Variants in FTCDNL1 observed in about 807,000 individuals in gnomAD.
FTCDNL1 encodes formiminotransferase cyclodeaminase N-terminal like, also known as formiminotransferase N-terminal subdomain-containing protein.
In FTCDNL1, 11 loss-of-function variants were observed where a neutral mutation model predicts 5.9. The ratio of observed to expected loss-of-function variants is 1.87; its 90% CI spans 1.18 to 3.10. The LOEUF is 3.10. FTCDNL1 is among the 30% of genes most tolerant of loss of function. The pLI, the probability that FTCDNL1 is intolerant of heterozygous loss-of-function variation, is 0.00. For synonymous variants in FTCDNL1, 58 were observed against 24.8 expected, an observed-to-expected ratio of 2.34 and a Z score of -3.99; for missense variants, 115 against 65.5, an observed-to-expected ratio of 1.76 and a Z score of -2.61.
intron 3 of FTCDNL1, among the ~76,000 whole-genome samples, chr2:199,831,775 C>T (rs907855418): frequency 6.6e-6 from 1 of 152,072 alleles, no homozygotes; most frequent in Non-Finnish European, 1.5e-5. Context: ...AATTTTGAAA[C>T]AGAGAATTAA....
intron 3 of FTCDNL1, among the ~76,000 whole-genome samples, chr2:199,840,663 T>G (rs1414073092): frequency 1.3e-5 from 2 of 152,158 alleles, no homozygotes; most frequent in African/African-American, 4.8e-5. Context: ...CTCAGCTGGC[T>G]CTGAGGAGAA....
chr2:199,770,945 G>C (rs1192257414), intron 3 of FTCDNL1, among the ~76,000 whole-genome samples: 1 of 152,220 alleles, frequency 6.6e-6, no homozygotes, highest in Non-Finnish European at 1.5e-5. Flanking sequence ...AAGGAATCCA[G>C]CCCTGTTAGA....
At chr2:199,765,171 G>GC (rs776756737) in intron 3 of FTCDNL1, among the ~76,000 whole-genome samples, 1 of 152,128 alleles carries the variant, frequency 6.6e-6, no homozygotes, top group Non-Finnish European at 1.5e-5. Flanking sequence ...TATATTGGTG[G>GC]CTGCATACCA....
At chr2:199,762,829 T>C (rs1204400962) in intron 3 of FTCDNL1, among the ~76,000 whole-genome samples, 3 of 152,216 alleles carry the variant, frequency 2.0e-5, no homozygotes, top group Non-Finnish European at 4.4e-5. Context: ...TTATAGGTTA[T>C]ATATAACAAT....
chr2:199,705,696 TGTA>T, the FTCDNL1 span, among the ~76,000 whole-genome samples: 4 of 152,218 alleles, frequency 2.6e-5, no homozygotes, highest in East Asian at 7.7e-4. Context: ...TAATGCTAGC[TGTA>T]GATTGTGTGT....
At chr2:199,702,466 A>G in the FTCDNL1 span, among the ~76,000 whole-genome samples, 1 of 152,230 alleles carries the variant, frequency 6.6e-6, no homozygotes, top group African/African-American at 2.4e-5. Flanking sequence ...TAAGAATAAA[A>G]AATACCAGAG....
chr2:199,744,784 A>G, the FTCDNL1 span, among the ~76,000 whole-genome samples: 2 of 152,118 alleles, frequency 1.3e-5, no homozygotes, highest in East Asian at 3.9e-4. Context: ...AGGATTTCTA[A>G]TTTCTCCTCA....
Position 199,819,775 on chromosome 2 carries a change from T to C in FTCDNL1, c.212-18A>G. The C allele has an allele frequency of 1.5e-6, 1 of 678,174 alleles. No homozygotes were observed. 42.0% of individuals were successfully genotyped at this position (678,174 alleles called of 1,614,324 possible). ...AGCAAGGCCTGTGGCAGAGGGAATT[T>C]TAACCAAAGAAAATCACAATCAAGC... On this transcript the variant is annotated intron_variant, in intron 3 of 4. Transcript: ENST00000420128.
the FTCDNL1 span, among the ~76,000 whole-genome samples, chr2:199,665,380 C>A: frequency 5.3e-5 from 8 of 152,230 alleles, 1 homozygote; most frequent in Admixed American, 5.2e-4. Context: ...GCTTGTAATA[C>A]CAGCATTTTG....
chr2:199,846,485 C>A (rs1255545114), intron 2 of FTCDNL1, among the ~76,000 whole-genome samples: 1 of 152,180 alleles, frequency 6.6e-6, no homozygotes, highest in Non-Finnish European at 1.5e-5. Flanking sequence ...TCTTCAATAG[C>A]CAAATCATAT....
At chr2:199,761,294 T>C (rs1440895266) in intron 3 of FTCDNL1, among the ~76,000 whole-genome samples, 1 of 152,218 alleles carries the variant, frequency 6.6e-6, no homozygotes, top group East Asian at 1.9e-4. Context: ...TCTGTCCCTG[T>C]TGGCAGAGGC....
chr2:199,762,935 G>A (rs1698340544), intron 3 of FTCDNL1, among the ~76,000 whole-genome samples: 1 of 152,110 alleles, frequency 6.6e-6, no homozygotes, highest in South Asian at 2.1e-4. Context: ...CACACATTTG[G>A]GGTCAATCTT....
chr2:199,678,600 A>G, the FTCDNL1 span, among the ~76,000 whole-genome samples: 10 of 152,180 alleles, frequency 6.6e-5, no homozygotes, highest in South Asian at 2.1e-3. Flanking sequence ...GTTGTAAAAA[A>G]TATTTATATT....
intron 3 of FTCDNL1, among the ~76,000 whole-genome samples, chr2:199,768,744 C>A (rs946709573): frequency 4.6e-5 from 7 of 152,126 alleles, no homozygotes; most frequent in Non-Finnish European, 1.0e-4. Flanking sequence ...AGGGTGAGTT[C>A]TCATGTGAAA....
At chr2:199,738,867 T>G in the FTCDNL1 span, among the ~76,000 whole-genome samples, 1 of 152,190 alleles carries the variant, frequency 6.6e-6, no homozygotes, top group African/African-American at 2.4e-5. Flanking sequence ...TAAGACCCAC[T>G]TAACTCTTCC....
chr2:199,702,967 G>A, the FTCDNL1 span, among the ~76,000 whole-genome samples: 1 of 152,172 alleles, frequency 6.6e-6, no homozygotes, highest in African/African-American at 2.4e-5. Context: ...GAGGTGGAAA[G>A]AAGCCAGATT....
chr2:199,729,776 C>G, the FTCDNL1 span, among the ~76,000 whole-genome samples: 1 of 152,112 alleles, frequency 6.6e-6, no homozygotes, highest in African/African-American at 2.4e-5. Flanking sequence ...GCCATAATGC[C>G]CAAAGTAATT....
chr2:199,671,813 A>C, the FTCDNL1 span, among the ~76,000 whole-genome samples: 1 of 152,166 alleles, frequency 6.6e-6, no homozygotes, highest in Non-Finnish European at 1.5e-5. Context: ...CCTGAGCACC[A>C]TATATATCTT....
the FTCDNL1 span, among the ~76,000 whole-genome samples, chr2:199,752,725 ACTAT>A: frequency 3.2e-5 from 3 of 93,290 alleles, no homozygotes; most frequent in South Asian, 2.1e-3. Context: ...ATACATATAT[ACTAT>A]CTCTCTCTCT....
Sources: allele counts gnomAD v4.1 joint callset (sites outside exome capture counted in the v4.1 genomes callset), GRCh38; gene constraint gnomAD v4.1.1; transcripts MANE v1.5; gene names NCBI Gene and HGNC (gene_info 2026-07-23, HGNC 2026-07-21).